The following RSL1D1 variants were observed in gnomAD, a reference collection of about 807,000 sequenced individuals.
RSL1D1 encodes the protein ribosomal L1 domain-containing protein 1.
In RSL1D1, 34 loss-of-function variants were observed where a neutral mutation model predicts 44.6. That is an observed-to-expected ratio of 0.76 (90% CI 0.58 to 1.02). RSL1D1 has a LOEUF of 1.02. RSL1D1 is among the 50% of genes least tolerant of loss of function. RSL1D1 has a pLI of 0.00. For missense variants in RSL1D1, 767 were observed against 568.1 expected, an observed-to-expected ratio of 1.35 and a Z score of -3.56; for synonymous variants, 271 against 207.4, an observed-to-expected ratio of 1.31 and a Z score of -2.63.
At chr16:11,846,066 G>GT (rs1212484634) in intron 5 of RSL1D1, among the ~76,000 whole-genome samples, 3 of 149,724 alleles carry the variant, frequency 2.0e-5, no homozygotes, top group Non-Finnish European at 4.4e-5. Flanking sequence ...ATAGATTTTA[G>GT]TTTTAAAAAA....
intron 2 of RSL1D1, among the ~76,000 whole-genome samples, chr16:11,848,177 CG>C (rs2053812656): frequency 6.6e-6 from 1 of 152,036 alleles, no homozygotes; most frequent in Admixed American, 6.6e-5. Flanking sequence ...CGCTTCAACC[CG>C]GAAGGTGGAG....
intron 2 of RSL1D1, chr16:11,849,472 C>G (rs1407232525): frequency 6.6e-6 from 1 of 151,686 alleles, no homozygotes; most frequent in Non-Finnish European, 1.5e-5. Context: ...CACAATTATG[C>G]CACATCTTAC....
chr16:11,846,864 TA>T, intron 3 of RSL1D1, 21 bp from the exon 4 acceptor site: 1 of 1,567,486 alleles, frequency 6.4e-7, no homozygotes, highest in Non-Finnish European at 8.7e-7. Context: ...TAGAGAAGAA[TA>T]AAAACAAGAA....
At chr16:11,848,616 A>G (rs1292813162) in intron 2 of RSL1D1, among the ~76,000 whole-genome samples, 1 of 152,100 alleles carries the variant, frequency 6.6e-6, no homozygotes, top group Non-Finnish European at 1.5e-5. Context: ...CCTCCAGCAT[A>G]GCTGAGACTC....
Position 11,847,668 on chromosome 16 carries a change from C to T in RSL1D1, c.384G>A (p.Gln128=), listed in dbSNP as rs372761234. The T allele has an allele frequency of 6.2e-7, 1 of 1,605,756 alleles. No individual in the cohort carries two copies. Among genetic ancestry groups the T allele is most frequent in the Non-Finnish European group, 8.5e-7 (1 of 1,177,060 alleles). The change falls in exon 3 of 9, where the codon CAG becomes CAA. Residue 128 remains glutamine, a splice_region_variant and synonymous_variant. Coordinates refer to ENST00000571133, the MANE Select transcript of RSL1D1 (RefSeq NM_015659.3). ...TGAAAATATTAACCAGGCTTCCTAC[C>T]TGAGAAACGGTTTTAATTCCATGCT... ...LNKHGIKTVS[Q]IISLQTLKKE...
Position 11,837,619 on chromosome 16 carries a change from G to C in RSL1D1, c.*168C>G, listed in dbSNP as rs2053731158. 2 of 606,896 alleles carry C rather than the reference G, an allele frequency of 3.3e-6. No homozygotes were observed. The highest frequency in any genetic ancestry group is 5.7e-6 in the Non-Finnish European group (2 of 348,566). 37.6% of individuals were successfully genotyped at this position (606,896 alleles called of 1,614,324 possible). On this transcript the variant is annotated 3_prime_UTR_variant, in exon 9 of 9. Coordinates refer to ENST00000571133, the MANE Select transcript of RSL1D1 (RefSeq NM_015659.3). ...CCTGCCTCGGCCTCCCAAAGTGCTG[G>C]GATTACAGGCGTGAGCCACCGCCCC...
At position 11,836,768 on chromosome 16, in the gene RSL1D1, C is replaced by T. The variant is rs190904248; in HGVS notation, c.*1019G>A. ...AGACCAACAAGCTCAGCATGAAAGCCAAGAAACTTCTGTTTCTCCTAAATT... is the reference window on the plus strand; with the variant it reads ...AGACCAACAAGCTCAGCATGAAAGCTAAGAAACTTCTGTTTCTCCTAAATT... On this transcript the variant is annotated 3_prime_UTR_variant, in exon 9 of 9. Coordinates refer to ENST00000571133, the MANE Select transcript of RSL1D1 (RefSeq NM_015659.3). 1 of 152,264 alleles carries T rather than the reference C, an allele frequency of 6.6e-6. No homozygotes were observed. Among genetic ancestry groups the T allele is most frequent in the Admixed American group, 6.5e-5 (1 of 15,296 alleles). The allele number at this position is 152,264 out of a possible 1,614,324, so 9.4% of individuals were successfully genotyped here.
chr16:11,839,526 T>TAAAAAAAAAAAAAAAAAAAAAACAAA (rs55657359), intron 8 of RSL1D1, among the ~76,000 whole-genome samples, 169 bp downstream of exon 8: 1 of 121,446 alleles, frequency 8.2e-6, no homozygotes. Context: ...AGATCCCATC[T>TAAAAAAAAAAAAAAAAAAAAAACAAA]AAAAAAAAAA....
chr16:11,847,597 T>A (rs1596442544), intron 3 of RSL1D1, 71 bp downstream of exon 3: 5 of 1,228,298 alleles, frequency 4.1e-6, no homozygotes, highest in Non-Finnish European at 5.8e-6. Flanking sequence ...AATATAGCAA[T>A]GTATTTGTGA....
chr16:11,851,062 G>T (rs531937782), intron 1 of RSL1D1: 11 of 373,218 alleles, frequency 2.9e-5, no homozygotes, highest in Admixed American at 1.5e-4. Context: ...CCTGGATAAC[G>T]GGGAGCCGAA....
chr16:11,846,872 AG>A (rs765233818), intron 3 of RSL1D1, 29 bp from the exon 4 acceptor site: 2 of 1,552,372 alleles, frequency 1.3e-6, no homozygotes, highest in South Asian at 2.3e-5. Context: ...AATAAAAACA[AG>A]AAGTTAGGAA....
Position 11,837,793 on chromosome 16 carries a change from C to G in RSL1D1, c.1467G>C (p.Ser489=). Residue 489 remains serine, a synonymous_variant, in exon 9 of 9, where the codon TCG becomes TCC. Transcript: ENST00000571133. ...TCCAGTTGAATCACTGACTTTAGGT[C>G]GACTGGGGTACTTTGGGTTTTTTGG... ...KWPKKPKVPQ[S]T is the part of the protein sequence containing the mutation. 6.2e-7 allele frequency: 1 copy of G among 1,603,830 alleles called. No individual in the cohort carries two copies. The highest frequency in any genetic ancestry group is 8.5e-7 in the Non-Finnish European group (1 of 1,175,436).
At chr16:11,851,292 G>C in intron 1 of RSL1D1, 116 bp downstream of exon 1, 2 of 978,164 alleles carry the variant, frequency 2.0e-6, no homozygotes, top group Non-Finnish European at 3.3e-6. Flanking sequence ...GCCCGCCAGC[G>C]ACCGTCCCAC....
intron 7 of RSL1D1, among the ~76,000 whole-genome samples, chr16:11,840,588 A>T (rs1359340854): frequency 6.6e-6 from 1 of 152,186 alleles, no homozygotes; most frequent in African/African-American, 2.4e-5. Flanking sequence ...TTAAAAATTC[A>T]TTGGACACAA....
intron 2 of RSL1D1, 120 bp downstream of exon 2, chr16:11,850,159 T>C: frequency 1.7e-5 from 17 of 980,582 alleles, no homozygotes; most frequent in Non-Finnish European, 2.3e-5. Context: ...TTGTTTTACT[T>C]CACGTCAGAT....
At chr16:11,839,322 T>C (rs2141250492) in intron 8 of RSL1D1, among the ~76,000 whole-genome samples, 1 of 148,454 alleles carries the variant, frequency 6.7e-6, no homozygotes, top group East Asian at 2.0e-4. Context: ...GCTGAGATCA[T>C]GCCACTGCAC....
In RSL1D1 at chr16:11,847,765, C is replaced by G. The variant is rs1457148873; in HGVS notation, c.287G>C (p.Cys96Ser). 1 of 1,613,332 alleles carries G rather than the reference C, an allele frequency of 6.2e-7. No individual in the cohort carries two copies. The highest frequency in any genetic ancestry group is 2.2e-5 in the East Asian group (1 of 44,854). Reference sequence around the variant, plus strand: ...ATTGGGTTCATCCTTCGTAAATAAACAGATATCTTCTGAATCTGATCGAAT... The same window carrying G: ...ATTGGGTTCATCCTTCGTAAATAAAGAGATATCTTCTGAATCTGATCGAAT... Reference protein sequence around the residue: ...HSIRSDSEDICLFTKDEPNST... With the variant: ...HSIRSDSEDISLFTKDEPNST... Residue 96 changes from cysteine to serine, a missense_variant, in exon 3 of 9, where the codon TGT becomes TCT. Physicochemically the swap from Cys to Ser is moderately radical, Grantham distance 112. Coordinates refer to ENST00000571133, the MANE Select transcript of RSL1D1 (RefSeq NM_015659.3).
In RSL1D1 at chr16:11,835,680, T is replaced by A. The variant is rs1003335319; in HGVS notation, c.*2107A>T. The stretch of plus-strand genomic sequence containing the variant: ...AGCTTATTTTTGGTAAAGATGGGGT[T>A]TTGCCATATTGCCCAGGATGGTCTC... On this transcript the variant is annotated 3_prime_UTR_variant, in exon 9 of 9. Transcript: ENST00000571133. 3.3e-5 allele frequency: 5 copies of A among 152,172 alleles called. No homozygotes were observed. The highest frequency in any genetic ancestry group is 7.3e-5 in the Non-Finnish European group (5 of 68,072). The allele number at this position is 152,172 out of a possible 1,614,324, so 9.4% of individuals were successfully genotyped here. A position where few individuals can be genotyped will look rare whatever the true frequency, so the allele number is the denominator to read the frequency against.
At chr16:11,850,146 T>G in intron 2 of RSL1D1, 133 bp downstream of exon 2, 1 of 852,062 alleles carries the variant, frequency 1.2e-6, no homozygotes, top group Non-Finnish European at 1.7e-6. Flanking sequence ...CTTTTGGACA[T>G]AGTTGTTTTA....
Sources: allele counts gnomAD v4.1 joint callset (sites outside exome capture counted in the v4.1 genomes callset), GRCh38; gene constraint gnomAD v4.1.1; transcripts MANE v1.5; gene names NCBI Gene and HGNC (gene_info 2026-07-23, HGNC 2026-07-21).